The following NEIL1 variants were observed in gnomAD, a reference collection of about 807,000 sequenced individuals.
NEIL1 encodes endonuclease 8-like 1.
Under a neutral mutation model 44.2 loss-of-function variants are expected in NEIL1, and 31 were observed. The observed-to-expected ratio is 0.70, with a 90% CI of 0.53 to 0.95. The LOEUF is 0.95. Ranked by LOEUF, NEIL1 falls within the 40% of genes least tolerant of loss-of-function variation. The pLI, the probability that NEIL1 is intolerant of heterozygous loss-of-function variation, is 0.00. For missense variants in NEIL1, 549 were observed against 515.5 expected (o/e 1.07, Z -0.63); for synonymous variants, 254 against 209.7 (o/e 1.21, Z -1.83).
chr15:75,348,623 G>A (rs895904976), intron 1 of NEIL1: 98 of 1,349,912 alleles, frequency 7.3e-5, no homozygotes, highest in Non-Finnish European at 8.6e-5. Flanking sequence ...GTCTAAACGC[G>A]GTGGAAGCCC....
intron 2 of NEIL1, among the ~76,000 whole-genome samples, chr15:75,350,201 T>C (rs2071772902): frequency 6.6e-6 from 1 of 152,218 alleles, no homozygotes; most frequent in African/African-American, 2.4e-5. Flanking sequence ...CATGGCACAG[T>C]GTTGGCCACT....
At position 75,356,490 on chromosome 15, in the gene NEIL1, GC is replaced by G. The variant is rs2072305329; in HGVS notation, c.*1457del. 1 of 1,572,212 alleles carries G rather than the reference GC, an allele frequency of 6.4e-7. No homozygotes were observed. The highest frequency in any genetic ancestry group is 8.6e-7 in the Non-Finnish European group (1 of 1,160,676). ...GAAACAATGCTGGTGGAGAATGGGG[GC>G]TACCCTCCCCTGTCCCTAGAAGGGG... On this transcript the variant is annotated 3_prime_UTR_variant, in exon 10 of 10. Coordinates refer to ENST00000355059, the MANE Select transcript of NEIL1 (RefSeq NM_024608.4). The surrounding 1 kb of genome is among the most constrained non-coding windows in gnomAD (Gnocchi z 5.8).
Position 75,349,095 on chromosome 15 carries a change from C to T in NEIL1, c.190C>T (p.Pro64Ser). The change falls in exon 2 of 10, where the codon CCT (proline) becomes TCT (serine). Residue 64 changes from proline (P) to serine (S), a missense_variant. Transcript: ENST00000355059. Reference protein sequence around the residue: ...KELRLILSPLPGAQPQQEPLA... With the variant: ...KELRLILSPLSGAQPQQEPLA... ...GCTGCGCCTGATACTGAGCCCTCTG[C>T]CTGGGGCCCAGCCCCAACAGGAGCC... 1.9e-6 allele frequency: 3 copies of T among 1,612,482 alleles called. No homozygotes were observed. The highest frequency in any genetic ancestry group is 2.5e-6 in the Non-Finnish European group (3 of 1,179,932).
chr15:75,356,275 C>T lies in NEIL1; in HGVS notation c.*1241C>T, dbSNP rs373790748. Reference sequence around the variant, plus strand: ...CGAGGGCAGGCCCAGTTCGGAACCCCGTCCCCAGCACGTCCCACCCCTTGC... The same window carrying T: ...CGAGGGCAGGCCCAGTTCGGAACCCTGTCCCCAGCACGTCCCACCCCTTGC... On this transcript the variant is annotated 3_prime_UTR_variant, in exon 10 of 10. Transcript: ENST00000355059. This position sits in a 1 kb window ranked among gnomAD's most constrained non-coding sequence, Gnocchi z 5.8. 49 of 1,611,694 alleles carry T rather than the reference C, an allele frequency of 3.0e-5. No individual in the cohort carries two copies. Among genetic ancestry groups the T allele is most frequent in the Middle Eastern group, 1.7e-4 (1 of 6,046 alleles).
At chr15:75,351,977 C>T (rs532166889) in intron 2 of NEIL1, 134 bp from the exon 3 acceptor site, 60 of 768,236 alleles carry the variant, frequency 7.8e-5, no homozygotes, top group South Asian at 2.6e-4. Context: ...GATAGGAAAA[C>T]GGGGGCAGGG....
rs1452739214 is a variant in NEIL1, at chr15:75,356,403, G to A, written c.*1369G>A. On this transcript the variant is annotated 3_prime_UTR_variant, in exon 10 of 10. Transcript: ENST00000355059. This position sits in a 1 kb window ranked among gnomAD's most constrained non-coding sequence, Gnocchi z 5.8. ...GGGCTGGCAGAGCCAACAGGGGGAAGTTTAGGCTGTAGGCAGCTTGGATAA... is the reference window on the plus strand; with the variant it reads ...GGGCTGGCAGAGCCAACAGGGGGAAATTTAGGCTGTAGGCAGCTTGGATAA... The A allele has an allele frequency of 8.1e-6, 13 of 1,610,294 alleles. No homozygotes were observed. Among genetic ancestry groups the A allele is most frequent in the African/African-American group, 8.0e-5 (6 of 74,920 alleles).
chr15:75,356,440 T>C lies in NEIL1; in HGVS notation c.*1406T>C, dbSNP rs759527873. ...GGCAGCTTGGATAACGCCAGCATCC[T>C]GGAAAGAGCCTGGGGTACGACCAGG... is the stretch of plus-strand genomic sequence containing the variant. On this transcript the variant is annotated 3_prime_UTR_variant, in exon 10 of 10. Transcript: ENST00000355059. The surrounding 1 kb of genome is among the most constrained non-coding windows in gnomAD (Gnocchi z 5.8). 6.2e-7 allele frequency: 1 copy of C among 1,600,956 alleles called. No homozygotes were observed. Among genetic ancestry groups the C allele is most frequent in the South Asian group, 1.1e-5 (1 of 88,620 alleles).
chr15:75,348,367 TG>T, intron 1 of NEIL1: 1 of 977,878 alleles, frequency 1.0e-6, no homozygotes, highest in South Asian at 4.7e-5. Flanking sequence ...GTCCTAAGTG[TG>T]GGGGGAGGGG....
intron 1 of NEIL1, chr15:75,348,270 GCGGCCGATTCGGC>G: frequency 1.0e-6 from 1 of 954,988 alleles, no homozygotes; most frequent in Non-Finnish European, 1.2e-6. Context: ...CTGCGGCCAA[GCGGCCGATTCGGC>G]CGCTCCCGCC....
At chr15:75,348,502 G>C in intron 1 of NEIL1, 2 of 1,065,392 alleles carry the variant, frequency 1.9e-6, no homozygotes, top group Non-Finnish European at 1.1e-6. Flanking sequence ...TCTCCCTCAA[G>C]TGTCTGGGAC....
chr15:75,352,089 C>A, intron 2 of NEIL1, 22 bp from the exon 3 acceptor site: 1 of 1,613,348 alleles, frequency 6.2e-7, no homozygotes, highest in Non-Finnish European at 8.5e-7. Context: ...GGGTCTTACG[C>A]ACCCAGACCG....
chr15:75,351,547 A>G (rs765520380), intron 2 of NEIL1, among the ~76,000 whole-genome samples: 45 of 152,108 alleles, frequency 3.0e-4, no homozygotes, highest in Admixed American at 1.6e-3. Context: ...CTGGGATTAC[A>G]GGTGTGAGCC....
rs1319776045 is a variant in NEIL1 at position 75,352,194 on chromosome 15, G to A, written c.518G>A (p.Gly173Asp). 1.9e-6 allele frequency: 3 copies of A among 1,614,238 alleles called. No homozygotes were observed. The Admixed American group carries it at 5.0e-5, about 27-fold the overall frequency. ...CTCCTGGACCAGAGGTTCTTCAATG[G>A]CATTGGCAACTATCTGCGGGCAGAG... ...EALLDQRFFN[G>D]IGNYLRAEIL... is the part of the protein sequence containing the mutation. Residue 173 changes from glycine (G) to aspartate (D), a missense_variant, in exon 3 of 10, where the codon GGC becomes GAC. By Grantham distance (94) the Gly-to-Asp change is moderately conservative (BLOSUM62 -1). Transcript: ENST00000355059.
chr15:75,355,628 A>C lies in NEIL1; in HGVS notation c.*594A>C. On this transcript the variant is annotated 3_prime_UTR_variant, in exon 10 of 10. Coordinates refer to ENST00000355059, the MANE Select transcript of NEIL1 (RefSeq NM_024608.4). The stretch of plus-strand genomic sequence containing the variant: ...CTCTTCACTGGCTTTTGGTGGCTCG[A>C]GGTCCCCAGTCTCTCCTGTGGGGGC... 1 of 389,564 alleles carries C rather than the reference A, an allele frequency of 2.6e-6. No homozygotes were observed. Among genetic ancestry groups the C allele is most frequent in the Non-Finnish European group, 4.7e-6 (1 of 212,642 alleles). 24.1% of individuals were successfully genotyped at this position (389,564 alleles called of 1,614,324 possible).
Position 75,356,682 on chromosome 15 carries a change from C to A in NEIL1, c.*1648C>A. On this transcript the variant is annotated 3_prime_UTR_variant, in exon 10 of 10. Coordinates refer to ENST00000355059, the MANE Select transcript of NEIL1 (RefSeq NM_024608.4). This position sits in a 1 kb window ranked among gnomAD's most constrained non-coding sequence, Gnocchi z 5.8. ...TAGCGTCCGGGGCTTTAGGCGCCCG[C>A]AAGCTGGGGTGAGGAGGGCGCGTAG... 1 of 1,596,864 alleles carries A rather than the reference C, an allele frequency of 6.3e-7. No individual in the cohort carries two copies. The highest frequency in any genetic ancestry group is 8.5e-7 in the Non-Finnish European group (1 of 1,172,108).
chr15:75,350,548 A>T (rs995855174), intron 2 of NEIL1, among the ~76,000 whole-genome samples: 3 of 152,130 alleles, frequency 2.0e-5, no homozygotes, highest in Admixed American at 6.6e-5. Flanking sequence ...TAGGGTTGGC[A>T]AGTTCTCCCT....
rs148191833 is a variant in NEIL1 at position 75,349,241 on chromosome 15, A to G, written c.336A>G (p.Leu112=). The change falls in exon 2 of 10, where the codon CTA becomes CTG. Residue 112 remains leucine (L), a synonymous_variant. Coordinates refer to ENST00000355059, the MANE Select transcript of NEIL1 (RefSeq NM_024608.4). ...YTAPPGPRLA[L]CFVDIRRFGR... is the part of the protein sequence containing the mutation. ...CCCCGCCTGGCCCCCGGCTCGCCCT[A>G]TGTTTCGTGGACATCCGCCGGTTCG... 349 of 1,610,934 alleles carry G rather than the reference A, an allele frequency of 2.2e-4. No homozygotes were observed. The highest frequency in any genetic ancestry group is 1.2e-3 in the African/African-American group (93 of 75,042).
At chr15:75,354,213 C>G in intron 6 of NEIL1, 37 bp from the exon 7 acceptor site, 1 of 1,613,392 alleles carries the variant, frequency 6.2e-7, no homozygotes, top group Non-Finnish European at 8.5e-7. Context: ...CTGTGCCAAC[C>G]CAGGCTGATT....
In NEIL1 at chr15:75,354,959, C is replaced by T; in HGVS notation, c.1103-5C>T. The stretch of plus-strand genomic sequence containing the variant: ...AGCTGACCATCTTGCCTGTTCTTCC[C>T]CCAGGCCACTGCAGACCCCGGAAGG... On this transcript the variant is annotated splice_region_variant and splice_polypyrimidine_tract_variant and intron_variant, in intron 9 of 9. Transcript: ENST00000355059. The T allele has an allele frequency of 6.2e-7, 1 of 1,614,030 alleles. No homozygotes were observed. The highest frequency in any genetic ancestry group is 8.5e-7 in the Non-Finnish European group (1 of 1,179,924).
Sources: gnomAD v4.1 joint callset for allele counts (sites outside exome capture counted in the v4.1 genomes callset) on GRCh38, gnomAD v4.1.1 for gene constraint, Gnocchi (gnomAD v3.1) non-coding constraint, MANE v1.5 for transcripts, NCBI Gene and HGNC (gene_info 2026-07-23, HGNC 2026-07-21) for gene names.